TMCC1: variants seen among roughly 807,000 people sequenced by gnomAD.
TMCC1 encodes transmembrane and coiled-coil domains protein 1.
Under a neutral mutation model 52.4 loss-of-function variants are expected in TMCC1, and 15 were observed. The ratio of observed to expected loss-of-function variants is 0.29; its 90% confidence interval spans 0.19 to 0.44. TMCC1 has a LOEUF of 0.44. TMCC1 is among the 20% of genes least tolerant of loss of function. TMCC1 has a pLI of 1.00. For missense variants in TMCC1, 503 were observed against 806.0 expected, an observed-to-expected ratio of 0.62 and a Z score of 4.55; for synonymous variants, 279 against 301.9, an observed-to-expected ratio of 0.92 and a Z score of 0.79.
At chr3:129,696,168 T>C (rs913750161) in intron 4 of TMCC1, among the ~76,000 whole-genome samples, 3 of 152,202 alleles carry the variant, frequency 2.0e-5, no homozygotes, top group Admixed American at 6.5e-5. Flanking sequence ...TAGGAAACAT[T>C]TGTCACCTAT....
At chr3:129,755,844 C>T (rs1241245271) in intron 4 of TMCC1, among the ~76,000 whole-genome samples, 11 of 152,086 alleles carry the variant, frequency 7.2e-5, no homozygotes, top group East Asian at 3.9e-4. Flanking sequence ...GGCTCACGCC[C>T]GTAATCTCAA....
intron 2 of TMCC1, among the ~76,000 whole-genome samples, chr3:129,873,084 A>T (rs1251465600): frequency 6.6e-6 from 1 of 151,990 alleles, no homozygotes; most frequent in African/African-American, 2.4e-5. Flanking sequence ...TATTTTTAGT[A>T]GAGATGGGGT....
chr3:129,810,150 AGTT>A (rs549613003), intron 4 of TMCC1, among the ~76,000 whole-genome samples: 15 of 152,302 alleles, frequency 9.8e-5, no homozygotes, highest in African/African-American at 3.6e-4. Flanking sequence ...TGAGCTCACA[AGTT>A]CAAGACCAGC....
intron 1 of TMCC1, among the ~76,000 whole-genome samples, chr3:129,885,478 G>A (rs1406874370): frequency 1.3e-4 from 20 of 152,008 alleles, no homozygotes; most frequent in Non-Finnish European, 1.8e-4. Context: ...CCAGCTACTC[G>A]GGAGGCTGAG....
chr3:129,824,162 C>G (rs2058554010), intron 4 of TMCC1, among the ~76,000 whole-genome samples: 1 of 152,098 alleles, frequency 6.6e-6, no homozygotes, highest in African/African-American at 2.4e-5. Flanking sequence ...ATGGTAAAAC[C>G]CTGTCTCTAC....
chr3:129,800,394 T>C (rs1005073551), intron 4 of TMCC1, among the ~76,000 whole-genome samples: 1 of 152,168 alleles, frequency 6.6e-6, no homozygotes, highest in Non-Finnish European at 1.5e-5. Flanking sequence ...TTTTAGCAGG[T>C]ATTATTAAAC....
At chr3:129,803,952 A>G (rs946759953) in intron 4 of TMCC1, among the ~76,000 whole-genome samples, 1 of 152,180 alleles carries the variant, frequency 6.6e-6, no homozygotes, top group Non-Finnish European at 1.5e-5. Context: ...AAATAATTAT[A>G]TGTCTAAGGT....
intron 4 of TMCC1, among the ~76,000 whole-genome samples, chr3:129,727,637 T>C (rs986393447): frequency 6.6e-6 from 1 of 152,180 alleles, no homozygotes; most frequent in South Asian, 2.1e-4. Flanking sequence ...TAAAGTAATA[T>C]AGGTAGTCCT....
intron 4 of TMCC1, among the ~76,000 whole-genome samples, chr3:129,773,103 A>G (rs1220208657): frequency 2.0e-5 from 3 of 152,244 alleles, no homozygotes; most frequent in Non-Finnish European, 4.4e-5. Context: ...AAAAGCCCAG[A>G]AACAACACAA....
At chr3:129,689,248 A>G (rs1376795487) in intron 4 of TMCC1, among the ~76,000 whole-genome samples, 1 of 152,244 alleles carries the variant, frequency 6.6e-6, no homozygotes, top group African/African-American at 2.4e-5. Context: ...CAGCCCCTGT[A>G]TCATCACACA....
intron 4 of TMCC1, among the ~76,000 whole-genome samples, chr3:129,673,167 C>T (rs1397728232): frequency 1.3e-5 from 2 of 152,110 alleles, no homozygotes; most frequent in Admixed American, 6.6e-5. Context: ...TCACTTCCTC[C>T]TTCTGCCCAA....
At chr3:129,856,072 G>A (rs1396112176) in intron 2 of TMCC1, among the ~76,000 whole-genome samples, 1 of 152,126 alleles carries the variant, frequency 6.6e-6, no homozygotes, top group Non-Finnish European at 1.5e-5. Context: ...GCCACCACTG[G>A]GGGAAGCTAG....
intron 4 of TMCC1, among the ~76,000 whole-genome samples, chr3:129,682,545 A>AT (rs1310425689): frequency 1.3e-5 from 2 of 152,142 alleles, no homozygotes; most frequent in Non-Finnish European, 2.9e-5. Flanking sequence ...CCTGCTGGAT[A>AT]TAGCAGTTCT....
intron 4 of TMCC1, among the ~76,000 whole-genome samples, chr3:129,796,234 G>A (rs1367818036): frequency 1.3e-5 from 2 of 152,104 alleles, no homozygotes; most frequent in African/African-American, 4.8e-5. Flanking sequence ...TGCTATATAG[G>A]TTTGTAGCCT....
rs34050914 is a variant in TMCC1, at chr3:129,650,760, AC to A, written c.*720del. Reference sequence around the variant, plus strand: ...TTGGTAACTATACACATATAAAAAAACCTTAAAAGTGCGGCCAAGGGATTTT... The same window carrying A: ...TTGGTAACTATACACATATAAAAAAACTTAAAAGTGCGGCCAAGGGATTTT... On this transcript the variant is annotated 3_prime_UTR_variant, in exon 7 of 7. Transcript: ENST00000393238. 6.6e-6 allele frequency: 1 copy of A among 152,626 alleles called. No individual in the cohort carries two copies. Among genetic ancestry groups the A allele is most frequent in the Non-Finnish European group, 1.5e-5 (1 of 68,034 alleles). 9.5% of individuals were successfully genotyped at this position (152,626 alleles called of 1,614,324 possible).
At chr3:129,822,958 A>T (rs2058488098) in intron 4 of TMCC1, among the ~76,000 whole-genome samples, 1 of 152,180 alleles carries the variant, frequency 6.6e-6, no homozygotes, top group Non-Finnish European at 1.5e-5. Context: ...TTGAAATCTG[A>T]GTCAGGGTTT....
intron 1 of TMCC1, among the ~76,000 whole-genome samples, chr3:129,882,980 A>C (rs2107999325): frequency 6.6e-6 from 1 of 152,296 alleles, no homozygotes. Context: ...ACATTACTGA[A>C]CACCACACTT....
At chr3:129,680,467 T>C (rs2088869886) in intron 4 of TMCC1, among the ~76,000 whole-genome samples, 1 of 152,202 alleles carries the variant, frequency 6.6e-6, no homozygotes, top group Non-Finnish European at 1.5e-5. Context: ...GAAGGTCACA[T>C]AGCCAATAAG....
chr3:129,804,315 TATAAC>T (rs2057344445), intron 4 of TMCC1, among the ~76,000 whole-genome samples: 2 of 152,214 alleles, frequency 1.3e-5, no homozygotes, highest in Non-Finnish European at 2.9e-5. Context: ...AGAAAGATGA[TATAAC>T]ATAGCTACAT....
Sources: allele counts gnomAD v4.1 joint callset (sites outside exome capture counted in the v4.1 genomes callset), GRCh38; gene constraint gnomAD v4.1.1; transcripts MANE v1.5; gene names NCBI Gene and HGNC (gene_info 2026-07-23, HGNC 2026-07-21).